The following AGBL1 variants were observed in gnomAD, a reference collection of about 807,000 sequenced individuals.
AGBL1 encodes cytosolic carboxypeptidase 4.
A neutral mutation model predicts 118.9 loss-of-function variants in AGBL1; 130 were observed. That is an observed-to-expected ratio of 1.09 (90% CI 0.95 to 1.26). The LOEUF (loss-of-function observed/expected upper bound fraction) is 1.26, where lower values mean the gene tolerates loss of function less well. AGBL1 is among the 50% of genes most tolerant of loss of function. The probability of loss-of-function intolerance (pLI) is 0.00; values close to 1 mark genes in which losing one functional copy is unlikely to be tolerated. For synonymous variants in AGBL1, 555 were observed against 478.9 expected (o/e 1.16, Z -2.08); for missense variants, 1,584 against 1,298.1 (o/e 1.22, Z -3.38).
chr15:86,420,292 C>G (rs1596091899), intron 18 of AGBL1, among the ~76,000 whole-genome samples: 1 of 152,214 alleles, frequency 6.6e-6, no homozygotes, highest in Middle Eastern at 3.4e-3. Context: ...CTTTGCTGTT[C>G]TGCAGCCTCT....
intron 3 of AGBL1, among the ~76,000 whole-genome samples, chr15:86,147,983 C>A (rs780365161): frequency 8.9e-4 from 135 of 152,328 alleles, no homozygotes; most frequent in Non-Finnish European, 1.2e-3. Context: ...GATACCCAGG[C>A]AAACAAGGTC....
In AGBL1 at chr15:86,952,883, C is replaced by T. The variant is rs112624725; in HGVS notation, c.3222-35104C>T. Among the ~76,000 whole-genome samples the T allele has an allele frequency of 1.0e-2, 1,521 of 152,256 alleles. 26 individuals carry two copies. Among genetic ancestry groups the T allele is most frequent in the African/African-American group, 0.035 (1,459 of 41,550 alleles). On this transcript the variant is annotated intron_variant, in intron 23 of 24. Transcript: ENST00000441037. The stretch of plus-strand genomic sequence containing the variant: ...ATAGTGAAAGGTAAGGGTCCAGTTT[C>T]ATTCTGCATATAGTCAATTATGCAA...
intron 22 of AGBL1, among the ~76,000 whole-genome samples, chr15:86,761,157 T>C (rs1309467617): frequency 6.6e-6 from 1 of 152,056 alleles, no homozygotes; most frequent in Non-Finnish European, 1.5e-5. Flanking sequence ...ATTTTGATCA[T>C]GGATCTTAGA....
intron 18 of AGBL1, among the ~76,000 whole-genome samples, chr15:86,517,779 G>A (rs1210631707): frequency 2.0e-5 from 3 of 151,524 alleles, no homozygotes; most frequent in Non-Finnish European, 4.4e-5. Flanking sequence ...TTGAAATGAA[G>A]TTGTCTTTTG....
At chr15:86,874,432 T>C (rs902150292) in intron 22 of AGBL1, among the ~76,000 whole-genome samples, 1 of 150,010 alleles carries the variant, frequency 6.7e-6, no homozygotes, top group Non-Finnish European at 1.5e-5. Context: ...AACCTATGCA[T>C]AATAAATACT....
intron 23 of AGBL1, among the ~76,000 whole-genome samples, chr15:86,928,164 G>C (rs2080565475): frequency 6.6e-6 from 1 of 152,154 alleles, no homozygotes; most frequent in African/African-American, 2.4e-5. Context: ...GTTTTGAAAA[G>C]TCATAAGGCA....
chr15:86,081,396 G>C (rs1211829066), intron 1 of AGBL1, among the ~76,000 whole-genome samples: 1 of 152,180 alleles, frequency 6.6e-6, no homozygotes, highest in Non-Finnish European at 1.5e-5. Context: ...GAACCAATAA[G>C]TGCAACCTTC....
chr15:86,535,230 A>C (rs1049771574), intron 19 of AGBL1, among the ~76,000 whole-genome samples: 1 of 152,234 alleles, frequency 6.6e-6, no homozygotes, highest in Non-Finnish European at 1.5e-5. Context: ...GCGGCCTATA[A>C]GCAGAGAAGC....
intron 22 of AGBL1, among the ~76,000 whole-genome samples, chr15:86,757,061 C>G (rs1404538037): frequency 6.6e-6 from 1 of 151,576 alleles, no homozygotes; most frequent in East Asian, 2.0e-4. Context: ...GTTCATTAGG[C>G]TGAGAATTTA....
At chr15:86,174,791 G>A (rs1411398328) in intron 5 of AGBL1, among the ~76,000 whole-genome samples, 1 of 152,022 alleles carries the variant, frequency 6.6e-6, no homozygotes, top group Non-Finnish European at 1.5e-5. Context: ...TATATGATAT[G>A]TCACAGTTAT....
intron 17 of AGBL1, among the ~76,000 whole-genome samples, chr15:86,356,496 CT>C (rs1175692443): frequency 6.6e-6 from 1 of 151,968 alleles, no homozygotes; most frequent in Non-Finnish European, 1.5e-5. Context: ...TAAGGGTGGC[CT>C]TGTTTTTTTC....
At chr15:86,732,751 T>G (rs1167777109) in intron 22 of AGBL1, among the ~76,000 whole-genome samples, 1 of 152,112 alleles carries the variant, frequency 6.6e-6, no homozygotes, top group Admixed American at 6.6e-5. Context: ...AAGCCAGGTA[T>G]GTATCTGTCA....
intron 22 of AGBL1, among the ~76,000 whole-genome samples, chr15:86,820,716 C>G (rs542778660): frequency 6.6e-6 from 1 of 152,284 alleles, no homozygotes; most frequent in Non-Finnish European, 1.5e-5. Context: ...AATAGGAACA[C>G]TTTTACACTG....
At chr15:86,339,038 TTG>T (rs1021958451) in intron 17 of AGBL1, among the ~76,000 whole-genome samples, 145 of 152,150 alleles carry the variant, frequency 9.5e-4, no homozygotes, top group African/African-American at 3.4e-3. Context: ...GTTAATATGA[TTG>T]TGTGATTTTT....
intron 17 of AGBL1, among the ~76,000 whole-genome samples, chr15:86,346,270 C>G (rs751486621): frequency 6.6e-6 from 1 of 152,102 alleles, no homozygotes; most frequent in Non-Finnish European, 1.5e-5. Flanking sequence ...GCACGAGCCA[C>G]TGTGCCCAGC....
At chr15:86,453,639 T>G (rs982253028) in intron 18 of AGBL1, among the ~76,000 whole-genome samples, 1 of 152,208 alleles carries the variant, frequency 6.6e-6, no homozygotes, top group Non-Finnish European at 1.5e-5. Context: ...CGTAGTAAGC[T>G]GGTCAATTTA....
At chr15:86,657,850 C>T (rs2085485711) in intron 21 of AGBL1, among the ~76,000 whole-genome samples, 1 of 151,406 alleles carries the variant, frequency 6.6e-6, no homozygotes, top group African/African-American at 2.4e-5. Context: ...TTCTGATGGG[C>T]CAGCAGCCAT....
At chr15:86,224,307 T>G (rs1382696177) in intron 5 of AGBL1, among the ~76,000 whole-genome samples, 1 of 152,148 alleles carries the variant, frequency 6.6e-6, no homozygotes, top group African/African-American at 2.4e-5. Context: ...TATTTTTCAT[T>G]CTCATATGTG....
intron 5 of AGBL1, among the ~76,000 whole-genome samples, chr15:86,215,217 A>ATGTGTGTGTG (rs1360213607): frequency 0.011 from 1,433 of 128,174 alleles, 19 homozygotes; most frequent in South Asian, 0.028. Flanking sequence ...GTGAGTGTAT[A>ATGTGTGTGTG]TGTATGCGTG....
Sources: gnomAD v4.1 joint callset for allele counts (sites outside exome capture counted in the v4.1 genomes callset) on GRCh38, gnomAD v4.1.1 for gene constraint, MANE v1.5 for transcripts, NCBI Gene and HGNC (gene_info 2026-07-23, HGNC 2026-07-21) for gene names.